MED27: variants seen among roughly 807,000 people sequenced by gnomAD.
MED27 encodes mediator complex subunit 27, also known as mediator of RNA polymerase II transcription subunit 27.
In MED27, 30 loss-of-function variants were observed where a neutral mutation model predicts 38.2. The ratio of observed to expected loss-of-function variants is 0.79; its 90% confidence interval spans 0.59 to 1.07. MED27 has a LOEUF of 1.07. Among genes scored for constraint, MED27 ranks in the 50% least tolerant of loss-of-function variants. The pLI is 0.00. For synonymous variants in MED27, 122 were observed against 153.5 expected, an observed-to-expected ratio of 0.79 and a Z score of 1.52; for missense variants, 289 against 397.5, an observed-to-expected ratio of 0.73 and a Z score of 2.32.
intron 2 of MED27, among the ~76,000 whole-genome samples, chr9:132,077,015 G>C (rs1423608471): frequency 1.3e-5 from 2 of 152,184 alleles, no homozygotes; most frequent in Non-Finnish European, 2.9e-5. Context: ...ATCTGTGACA[G>C]AGGAAAAGAC....
chr9:131,906,919 T>C (rs1830074040), intron 4 of MED27, among the ~76,000 whole-genome samples: 2 of 152,172 alleles, frequency 1.3e-5, no homozygotes, highest in African/African-American at 4.8e-5. Context: ...GAACTAAGGG[T>C]TCCACTCCTT....
chr9:132,019,159 C>G (rs986545319), intron 2 of MED27, among the ~76,000 whole-genome samples: 3 of 152,174 alleles, frequency 2.0e-5, no homozygotes, highest in Non-Finnish European at 4.4e-5. Context: ...ATTCCTGGGT[C>G]TGGGAGTGAA....
intron 4 of MED27, among the ~76,000 whole-genome samples, chr9:131,926,001 C>T (rs1452286565): frequency 6.6e-6 from 1 of 152,216 alleles, no homozygotes; most frequent in East Asian, 1.9e-4. Context: ...AGCAGGGAGC[C>T]CTCCTCCCAG....
In MED27 at chr9:131,939,529, G is replaced by T. The variant is rs1304483012; in HGVS notation, c.480-55C>A. On this transcript the variant is annotated intron_variant, in intron 3 of 7. Coordinates refer to ENST00000292035, the MANE Select transcript of MED27 (RefSeq NM_004269.4). ...ACTACAACTCCAGTTAAGAGCTACA[G>T]ATTAATAGTATTCAAAAGACATTGC... 19 of 1,093,818 alleles carry T rather than the reference G, an allele frequency of 1.7e-5. No homozygotes were observed. In the Admixed American group the frequency reaches 4.2e-4, roughly 24 times the overall value. 67.8% of individuals were successfully genotyped at this position (1,093,818 alleles called of 1,614,324 possible).
At chr9:131,993,969 C>A (rs1832035674) in intron 3 of MED27, among the ~76,000 whole-genome samples, 1 of 152,116 alleles carries the variant, frequency 6.6e-6, no homozygotes, top group South Asian at 2.1e-4. Flanking sequence ...CTGCCTGGCA[C>A]CCTAAGCTGC....
intron 2 of MED27, among the ~76,000 whole-genome samples, chr9:132,044,243 C>T (rs1833283433): frequency 6.6e-6 from 1 of 152,190 alleles, no homozygotes; most frequent in South Asian, 2.1e-4. Flanking sequence ...CCACCTAACT[C>T]TCTAGACTGT....
chr9:132,057,963 C>T (rs931159492), intron 2 of MED27, among the ~76,000 whole-genome samples: 4 of 152,074 alleles, frequency 2.6e-5, no homozygotes, highest in African/African-American at 9.7e-5. Context: ...ATAGTAAAAC[C>T]TAATTTCTAA....
intron 2 of MED27, among the ~76,000 whole-genome samples, chr9:132,050,433 A>C (rs753416776): frequency 2.0e-5 from 3 of 152,216 alleles, no homozygotes; most frequent in Non-Finnish European, 4.4e-5. Flanking sequence ...CCGTGGGAAG[A>C]CAGCCCACTG....
At chr9:132,057,420 T>C (rs1044931652) in intron 2 of MED27, among the ~76,000 whole-genome samples, 2 of 152,144 alleles carry the variant, frequency 1.3e-5, no homozygotes, top group Non-Finnish European at 2.9e-5. Context: ...GGTAATCACA[T>C]ATGGAGGCAG....
At chr9:132,031,367 CAATT>C (rs1277893901) in intron 2 of MED27, among the ~76,000 whole-genome samples, 3 of 152,176 alleles carry the variant, frequency 2.0e-5, no homozygotes, top group African/African-American at 7.2e-5. Flanking sequence ...AACCAAGTAT[CAATT>C]AAAGCAATGC....
chr9:131,900,098 TAG>T (rs1798099472), intron 4 of MED27, among the ~76,000 whole-genome samples: 2 of 152,342 alleles, frequency 1.3e-5, no homozygotes, highest in Non-Finnish European at 2.9e-5. Context: ...CTACTCATGG[TAG>T]AGAGTCAGGG....
intron 4 of MED27, among the ~76,000 whole-genome samples, chr9:131,925,153 T>C (rs965059772): frequency 4.6e-5 from 7 of 152,174 alleles, no homozygotes; most frequent in Admixed American, 4.6e-4. Flanking sequence ...ATTCCACTCC[T>C]AGGAATAGAT....
rs1838853991 is a variant in MED27, at chr9:131,872,418, C to T, written c.724-9278G>A. The stretch of plus-strand genomic sequence containing the variant: ...ATTAGTAAACAGGGAAAGTTAAGTA[C>T]TCAAGTGTTTAGAAGTTGCTTATTT... On this transcript the variant is annotated intron_variant, in intron 6 of 7. Transcript: ENST00000292035. The surrounding 1 kb of genome is among the most constrained non-coding windows in gnomAD (Gnocchi z 5.6). Among the ~76,000 whole-genome samples, 2 of 152,222 alleles carry T rather than the reference C, an allele frequency of 1.3e-5. No individual in the cohort carries two copies. Among genetic ancestry groups the T allele is most frequent in the Admixed American group, 1.3e-4 (2 of 15,282 alleles).
intron 2 of MED27, among the ~76,000 whole-genome samples, chr9:132,049,332 G>A (rs987122850): frequency 1.3e-5 from 2 of 152,214 alleles, no homozygotes; most frequent in Non-Finnish European, 2.9e-5. Flanking sequence ...GAGTGATGGA[G>A]AGAAGATACT....
At chr9:132,050,414 T>A (rs779624544) in intron 2 of MED27, among the ~76,000 whole-genome samples, 2 of 152,172 alleles carry the variant, frequency 1.3e-5, no homozygotes, top group African/African-American at 2.4e-5. Context: ...CTGAAGATGC[T>A]GACACAGCCC....
intron 4 of MED27, among the ~76,000 whole-genome samples, chr9:131,896,796 A>T (rs972591262): frequency 3.9e-5 from 6 of 152,204 alleles, no homozygotes; most frequent in Non-Finnish European, 8.8e-5. Flanking sequence ...CAGTGGTGCC[A>T]TCTCGGCTCA....
intron 2 of MED27, among the ~76,000 whole-genome samples, chr9:132,071,516 GCA>G (rs1833936668): frequency 6.6e-6 from 1 of 151,270 alleles, no homozygotes; most frequent in Non-Finnish European, 1.5e-5. Context: ...CACTCCATGA[GCA>G]CACACACATG....
chr9:131,918,435 A>C (rs932542672), intron 4 of MED27, among the ~76,000 whole-genome samples: 6 of 152,214 alleles, frequency 3.9e-5, no homozygotes, highest in African/African-American at 1.4e-4. Context: ...AAATTAACTA[A>C]ACAGACAATG....
intron 5 of MED27, among the ~76,000 whole-genome samples, chr9:131,885,156 T>C (rs2131487869): frequency 6.6e-6 from 1 of 152,288 alleles, no homozygotes; most frequent in African/African-American, 2.4e-5. Flanking sequence ...ACCTGTTCCA[T>C]GCCAGGCACT....
Sources: allele counts gnomAD v4.1 joint callset (sites outside exome capture counted in the v4.1 genomes callset), GRCh38; gene constraint gnomAD v4.1.1; non-coding constraint Gnocchi (gnomAD v3.1); transcripts MANE v1.5; gene names NCBI Gene and HGNC (gene_info 2026-07-23, HGNC 2026-07-21).